Variants in ANKRD13C observed in about 807,000 individuals in gnomAD.
ANKRD13C encodes ankyrin repeat domain 13C.
ANKRD13C carries 16 observed loss-of-function variants against 65.5 expected under a neutral mutation model. That is an observed-to-expected ratio of 0.24 (90% confidence interval 0.17 to 0.37). The LOEUF is 0.37. ANKRD13C is among the 10% of genes least tolerant of loss of function. ANKRD13C has a pLI of 1.00. For missense variants in ANKRD13C, 503 were observed against 655.9 expected, an observed-to-expected ratio of 0.77 and a Z score of 2.55; for synonymous variants, 235 against 238.7, an observed-to-expected ratio of 0.98 and a Z score of 0.14.
chr1:70,292,330 T>G, intron 9 of ANKRD13C, 58 bp downstream of exon 9: 87 of 1,352,108 alleles, frequency 6.4e-5, no homozygotes, highest in Non-Finnish European at 8.1e-5. Context: ...CCACCAAGAA[T>G]GAAATCTATC....
intron 12 of ANKRD13C, among the ~76,000 whole-genome samples, chr1:70,268,050 T>C (rs1678709937): frequency 6.6e-6 from 1 of 152,212 alleles, no homozygotes; most frequent in African/African-American, 2.4e-5. Context: ...GTTGTTGTTG[T>C]TGTTTTTTGT....
chr1:70,309,507 A>G (rs1298953071), intron 5 of ANKRD13C, among the ~76,000 whole-genome samples: 2 of 150,152 alleles, frequency 1.3e-5, no homozygotes, highest in African/African-American at 4.9e-5. Flanking sequence ...TCACGAGGTG[A>G]GAAGATCAAG....
At chr1:70,329,351 T>C (rs1000947962) in intron 2 of ANKRD13C, among the ~76,000 whole-genome samples, 58 of 151,904 alleles carry the variant, frequency 3.8e-4, no homozygotes, top group African/African-American at 1.3e-3. Context: ...TGAAACCCCA[T>C]CTTTACTAAA....
At chr1:70,324,027 G>A (rs1264330777) in intron 3 of ANKRD13C, among the ~76,000 whole-genome samples, 2 of 152,034 alleles carry the variant, frequency 1.3e-5, no homozygotes, top group Admixed American at 1.3e-4. Context: ...TGCCCAGCCT[G>A]CCAAATCTTA....
chr1:70,329,393 C>T (rs764617578), intron 2 of ANKRD13C, among the ~76,000 whole-genome samples: 9 of 152,056 alleles, frequency 5.9e-5, no homozygotes, highest in African/African-American at 1.2e-4. Context: ...TGGTGGCCCA[C>T]GCCTGTAGTC....
chr1:70,348,692 C>T (rs1310198603), intron 1 of ANKRD13C, among the ~76,000 whole-genome samples: 2 of 152,200 alleles, frequency 1.3e-5, no homozygotes, highest in South Asian at 2.1e-4. Context: ...GAGGTACCTG[C>T]ATCAGCAGGA....
At position 70,283,740 on chromosome 1, in the gene ANKRD13C, G is replaced by A. The variant is rs193002427; in HGVS notation, c.1216-6896C>T. ...GGAGAATTGCTTGGAGCCGGGAGAC[G>A]GAGGTTGCAGTGAGCTGAGATCACG... On this transcript the variant is annotated intron_variant, in intron 9 of 12. Coordinates refer to ENST00000370944, the MANE Select transcript of ANKRD13C (RefSeq NM_030816.5). Among the ~76,000 whole-genome samples, 557 of 152,066 alleles carry A rather than the reference G, an allele frequency of 3.7e-3. 3 individuals are homozygous for A. Among genetic ancestry groups the A allele is most frequent in the African/African-American group, 0.012 (509 of 41,466 alleles).
At chr1:70,295,489 G>A (rs938477783) in intron 8 of ANKRD13C, among the ~76,000 whole-genome samples, 10 of 151,994 alleles carry the variant, frequency 6.6e-5, no homozygotes, top group African/African-American at 9.7e-5. Context: ...CTCGTGATCC[G>A]CCGGCCTCGG....
intron 3 of ANKRD13C, among the ~76,000 whole-genome samples, chr1:70,320,662 A>C (rs1382912464): frequency 6.6e-6 from 1 of 151,494 alleles, no homozygotes; most frequent in African/African-American, 2.4e-5. Context: ...GAGTGATATT[A>C]TTTTCTTTTC....
In ANKRD13C at chr1:70,262,921, G is replaced by A. The variant is rs1678445601; in HGVS notation, c.1496-74C>T. 6.2e-6 allele frequency: 6 copies of A among 962,908 alleles called. No homozygotes were observed. In the South Asian group the frequency reaches 6.5e-5, roughly 11 times the overall value. 59.6% of individuals were successfully genotyped at this position (962,908 alleles called of 1,614,324 possible). A position where few individuals can be genotyped will look rare whatever the true frequency, so the allele number is the denominator to read the frequency against. On this transcript the variant is annotated intron_variant, in intron 12 of 12. Coordinates refer to ENST00000370944, the MANE Select transcript of ANKRD13C (RefSeq NM_030816.5). ...TCATAGACTACAAAGTACTATTGGA[G>A]ATGTCCATACTCCTTAAAATGTAAA...
chr1:70,296,403 T>C (rs1680084411), intron 7 of ANKRD13C, 142 bp from the exon 8 acceptor site: 2 of 803,144 alleles, frequency 2.5e-6, no homozygotes, highest in Non-Finnish European at 3.8e-6. Context: ...AAGTGTTACT[T>C]ACTCTAAAAA....
In ANKRD13C at chr1:70,297,286, G is replaced by GGTTTTTTTTTTTTTTTT. The variant is rs1558281019; in HGVS notation, c.922-1026_922-1025insAAAAAAAAAAAAAAAAC. ...TTTAACCTACATAGAGTCCCTTTCT[G>GGTTTTTTTTTTTTTTTT]ATTTTTTTTTTTTTTTTTTTTTTTT... On this transcript the variant is annotated intron_variant, in intron 7 of 12. Transcript: ENST00000370944. 1.3e-4 allele frequency among the ~76,000 whole-genome samples: 16 copies of GGTTTTTTTTTTTTTTTT among 125,116 alleles called. 1 individual carries two copies. The highest frequency in any genetic ancestry group is 4.5e-4 in the African/African-American group (15 of 33,438). The allele number at this position is 125,116 out of a possible 152,430, so 82.1% of individuals were successfully genotyped here.
rs1170834596 is a variant in ANKRD13C at position 70,354,127 on chromosome 1, A to G, written c.282T>C (p.Leu94=). Residue 94 remains leucine, a synonymous_variant, in exon 1 of 13, where the codon CTT becomes CTC. Transcript: ENST00000370944. ...CAGCAACGGGGTTGGTGCCGGCCAG[A>G]AGGGCCGGGGACTGGGAGTTGGCAG... The part of the protein sequence containing the change: ...SVTANSQSPA[L]LAGTNPVAVV... The G allele has an allele frequency of 1.2e-6, 2 of 1,613,668 alleles. No homozygotes were observed. The highest frequency in any genetic ancestry group is 3.3e-5 in the Admixed American group (2 of 59,976).
At chr1:70,323,837 G>A (rs2101533183) in intron 3 of ANKRD13C, among the ~76,000 whole-genome samples, 1 of 151,046 alleles carries the variant, frequency 6.6e-6, no homozygotes, top group East Asian at 2.0e-4. Flanking sequence ...CGATTCTCGT[G>A]CCTCAGCCTC....
chr1:70,299,355 A>C (rs1350109660), intron 7 of ANKRD13C, among the ~76,000 whole-genome samples: 1 of 152,126 alleles, frequency 6.6e-6, no homozygotes, highest in Non-Finnish European at 1.5e-5. Flanking sequence ...ATTAGATTTC[A>C]CTCTTTAGGT....
intron 5 of ANKRD13C, among the ~76,000 whole-genome samples, chr1:70,308,010 A>G (rs867693704): frequency 6.6e-6 from 1 of 152,224 alleles, no homozygotes; most frequent in Non-Finnish European, 1.5e-5. Flanking sequence ...GAGAAGAGCA[A>G]TAATAGTGTA....
At position 70,284,368 on chromosome 1, in the gene ANKRD13C, T is replaced by G. The variant is rs558715896; in HGVS notation, c.1216-7524A>C. Among the ~76,000 whole-genome samples the G allele has an allele frequency of 5.9e-5, 9 of 152,200 alleles. No individual in the cohort carries two copies. In the East Asian group the frequency reaches 1.7e-3, roughly 29 times the overall value. ...TAAGAAATCATATATATTTTCTAGA[T>G]TTTTGAAACTTTAATAATTCTCCAA... On this transcript the variant is annotated intron_variant, in intron 9 of 12. Coordinates refer to ENST00000370944, the MANE Select transcript of ANKRD13C (RefSeq NM_030816.5).
chr1:70,336,785 T>C (rs1682056869), intron 1 of ANKRD13C, among the ~76,000 whole-genome samples: 1 of 152,006 alleles, frequency 6.6e-6, no homozygotes, highest in Non-Finnish European at 1.5e-5. Flanking sequence ...GAAGAAGTTA[T>C]AGAAAACAGT....
chr1:70,266,408 C>T (rs756181684), intron 12 of ANKRD13C, among the ~76,000 whole-genome samples: 3 of 152,128 alleles, frequency 2.0e-5, no homozygotes, highest in Non-Finnish European at 4.4e-5. Flanking sequence ...TTGGCTATTA[C>T]AAATAAAGCT....
Sources: allele counts gnomAD v4.1 joint callset (sites outside exome capture counted in the v4.1 genomes callset), GRCh38; gene constraint gnomAD v4.1.1; transcripts MANE v1.5; gene names NCBI Gene and HGNC (gene_info 2026-07-23, HGNC 2026-07-21).